The following C1QTNF3 variants were observed in gnomAD, a reference collection of about 807,000 sequenced individuals.
C1QTNF3 encodes C1q and TNF related 3.
Under a neutral mutation model 32.6 loss-of-function variants are expected in C1QTNF3, and 26 were observed. The ratio of observed to expected loss-of-function variants is 0.80; its 90% CI spans 0.58 to 1.11. C1QTNF3 has a LOEUF of 1.11. C1QTNF3 is among the 50% of genes least tolerant of loss of function. The pLI, the probability that C1QTNF3 is intolerant of heterozygous loss-of-function variation, is 0.00. For missense variants in C1QTNF3, 362 were observed against 398.2 expected (o/e 0.91, Z 0.77); for synonymous variants, 155 against 146.0 (o/e 1.06, Z -0.44).
chr5:34,220,385 A>T, the C1QTNF3 span, among the ~76,000 whole-genome samples: 7 of 151,992 alleles, frequency 4.6e-5, no homozygotes, highest in African/African-American at 1.7e-4. Context: ...TGAGCTTTCT[A>T]TGTCAATGAT....
the C1QTNF3 span, among the ~76,000 whole-genome samples, chr5:34,087,755 T>C: frequency 5.3e-5 from 8 of 152,244 alleles, no homozygotes; most frequent in Middle Eastern, 3.4e-3. Flanking sequence ...GTCTAATTTA[T>C]ATATTTCTTT....
chr5:34,132,268 C>T, the C1QTNF3 span, among the ~76,000 whole-genome samples: 3 of 151,864 alleles, frequency 2.0e-5, no homozygotes, highest in Non-Finnish European at 4.4e-5. Flanking sequence ...GCCTGTAATC[C>T]AAGCTACTTG....
chr5:34,026,456 C>CAAAAAAAAAAAA (rs11335593), intron 4 of C1QTNF3, among the ~76,000 whole-genome samples: 2 of 92,786 alleles, frequency 2.2e-5, no homozygotes, highest in African/African-American at 7.3e-5. Flanking sequence ...AATCTGCCAG[C>CAAAAAAAAAAAA]AAAAAAAAAA....
chr5:34,020,388 G>T lies in C1QTNF3; in HGVS notation c.*195C>A, dbSNP rs1382488948. On this transcript the variant is annotated 3_prime_UTR_variant, in exon 6 of 6. Coordinates refer to ENST00000382065, the MANE Select transcript of C1QTNF3 (RefSeq NM_181435.6). ...TATATTAGTCAAGGTCATCTGAGAA[G>T]ACTATTTTGTGGTTGATTCTTCTGA... The T allele has an allele frequency of 1.6e-6, 1 of 616,396 alleles. No individual in the cohort carries two copies. Among genetic ancestry groups the T allele is most frequent in the Non-Finnish European group, 2.8e-6 (1 of 355,478 alleles). The allele number at this position is 616,396 out of a possible 1,614,324, so 38.2% of individuals were successfully genotyped here. A position where few individuals can be genotyped will look rare whatever the true frequency, so the allele number is the denominator to read the frequency against.
the C1QTNF3 span, among the ~76,000 whole-genome samples, chr5:34,078,711 A>C: frequency 1.3e-5 from 2 of 151,682 alleles, no homozygotes; most frequent in Non-Finnish European, 2.9e-5. The surrounding 1 kb of genome is among the most constrained non-coding windows in gnomAD (Gnocchi z 4.0). Context: ...GATTTCAGCT[A>C]TAGAACTGTA....
chr5:34,227,069 T>C, the C1QTNF3 span, among the ~76,000 whole-genome samples: 1 of 150,748 alleles, frequency 6.6e-6, no homozygotes, highest in Non-Finnish European at 1.5e-5. Context: ...CTGAAGGTGT[T>C]ATTCAAGGTT....
intron 2 of C1QTNF3, among the ~76,000 whole-genome samples, chr5:34,034,415 C>G (rs528389404): frequency 3.9e-5 from 6 of 152,178 alleles, no homozygotes; most frequent in Admixed American, 3.9e-4. Flanking sequence ...TAAACTCATT[C>G]ATTAAACAAA....
chr5:34,141,408 G>A, the C1QTNF3 span, among the ~76,000 whole-genome samples: 2 of 152,114 alleles, frequency 1.3e-5, no homozygotes, highest in East Asian at 1.9e-4. Flanking sequence ...GTGAGCCACC[G>A]CGCCGGGCCC....
At chr5:34,112,656 G>A in the C1QTNF3 span, among the ~76,000 whole-genome samples, 9 of 152,186 alleles carry the variant, frequency 5.9e-5, no homozygotes, top group African/African-American at 1.9e-4. Context: ...GCAGCAAATC[G>A]AGACCCTGTC....
the C1QTNF3 span, among the ~76,000 whole-genome samples, chr5:34,214,835 G>C: frequency 6.6e-6 from 1 of 152,126 alleles, no homozygotes; most frequent in East Asian, 1.9e-4. Flanking sequence ...AGGCTAACAG[G>C]CTTATACCTA....
Position 34,020,857 on chromosome 5 carries a change from C to A in C1QTNF3, c.801-115G>T, listed in dbSNP as rs754173426. On this transcript the variant is annotated intron_variant, in intron 5 of 5. Coordinates refer to ENST00000382065, the MANE Select transcript of C1QTNF3 (RefSeq NM_181435.6). ...ACAGGTATAATCCTGCGGCTAAGTT[C>A]TCTAAACAGCCTGTGAGCAGAAATG... 2.8e-6 allele frequency: 3 copies of A among 1,070,540 alleles called. No individual in the cohort carries two copies. In the Admixed American group the frequency reaches 6.8e-5, roughly 24 times the overall value. The allele number at this position is 1,070,540 out of a possible 1,614,324, so 66.3% of individuals were successfully genotyped here.
At chr5:34,037,549 A>T (rs6866395) in intron 1 of C1QTNF3, among the ~76,000 whole-genome samples, 79,545 of 152,000 alleles carry the variant, frequency 0.52, 21,118 homozygotes, top group Non-Finnish European at 0.55. Context: ...GGGAAAACAC[A>T]GAACAGAATC....
At chr5:34,113,974 TTTTGATTAGGC>T in the C1QTNF3 span, among the ~76,000 whole-genome samples, 1 of 152,212 alleles carries the variant, frequency 6.6e-6, no homozygotes, top group South Asian at 2.1e-4. Flanking sequence ...CATAATTTTC[TTTTGATTAGGC>T]TTTGCGATCT....
chr5:34,185,590 C>A, the C1QTNF3 span, among the ~76,000 whole-genome samples: 5 of 152,172 alleles, frequency 3.3e-5, no homozygotes, highest in African/African-American at 1.2e-4. Context: ...AAACAACCAA[C>A]AAACAATACA....
chr5:34,156,421 A>T, the C1QTNF3 span, among the ~76,000 whole-genome samples: 1 of 152,224 alleles, frequency 6.6e-6, no homozygotes, highest in African/African-American at 2.4e-5. Flanking sequence ...AATAAATCAT[A>T]GTATTTATAC....
At chr5:34,054,493 G>C in the C1QTNF3 span, among the ~76,000 whole-genome samples, 1 of 152,128 alleles carries the variant, frequency 6.6e-6, no homozygotes, top group Non-Finnish European at 1.5e-5. Context: ...AAGCTGCCAT[G>C]AACAGTTCAG....
At chr5:34,035,353 C>T (rs1754710574) in intron 2 of C1QTNF3, among the ~76,000 whole-genome samples, 1 of 152,172 alleles carries the variant, frequency 6.6e-6, no homozygotes, top group Admixed American at 6.5e-5. Context: ...ATGCACAGCT[C>T]AGTGACTGGC....
chr5:34,162,816 G>T, the C1QTNF3 span, among the ~76,000 whole-genome samples: 1 of 152,056 alleles, frequency 6.6e-6, no homozygotes, highest in South Asian at 2.1e-4. Flanking sequence ...TGGGTAGTTG[G>T]CTCTCTTTCT....
the C1QTNF3 span, among the ~76,000 whole-genome samples, chr5:34,235,283 C>T: frequency 0.89 from 134,845 of 152,088 alleles, 61,371 homozygotes; most frequent in Non-Finnish European, 0.99. Flanking sequence ...ACTTTTTGTT[C>T]ACAAGTGGTT....
Sources: gnomAD v4.1 joint callset for allele counts (sites outside exome capture counted in the v4.1 genomes callset) on GRCh38, gnomAD v4.1.1 for gene constraint, Gnocchi (gnomAD v3.1) non-coding constraint, MANE v1.5 for transcripts, NCBI Gene and HGNC (gene_info 2026-07-23, HGNC 2026-07-21) for gene names.